Variants in DECR1 observed in about 807,000 individuals in gnomAD.
The protein encoded by DECR1 is 2,4-dienoyl-CoA reductase [(3E)-enoyl-CoA-producing], mitochondrial.
A neutral mutation model predicts 38.8 loss-of-function variants in DECR1; 44 were observed. The observed-to-expected ratio is 1.13, with a 90% CI of 0.89 to 1.46. DECR1 has a LOEUF of 1.46. Among genes scored for constraint, DECR1 ranks in the 40% most tolerant of loss-of-function variants. The pLI is 0.00. For missense variants in DECR1, 428 were observed against 405.5 expected, an observed-to-expected ratio of 1.06 and a Z score of -0.48; for synonymous variants, 148 against 135.2, an observed-to-expected ratio of 1.09 and a Z score of -0.66.
intron 5 of DECR1, among the ~76,000 whole-genome samples, chr8:90,025,221 A>T (rs1054699602): frequency 2.6e-5 from 4 of 152,176 alleles, no homozygotes; most frequent in African/African-American, 9.7e-5. Flanking sequence ...TTTTGGTTCC[A>T]TATGAACTTT....
chr8:90,047,008 GCCTTACAA>G (rs1813925177), intron 8 of DECR1, among the ~76,000 whole-genome samples: 1 of 152,146 alleles, frequency 6.6e-6, no homozygotes, highest in Admixed American at 6.5e-5. Flanking sequence ...CACCAGGCCT[GCCTTACAA>G]GAACTCCTGA....
At chr8:90,046,523 A>G (rs1006616459) in intron 8 of DECR1, among the ~76,000 whole-genome samples, 2 of 152,220 alleles carry the variant, frequency 1.3e-5, no homozygotes, top group Non-Finnish European at 2.9e-5. Context: ...AAAGCCTCCA[A>G]GAAATATGGG....
chr8:90,024,570 A>AT (rs1229728608), intron 5 of DECR1, among the ~76,000 whole-genome samples: 3 of 151,616 alleles, frequency 2.0e-5, no homozygotes, highest in East Asian at 1.9e-4. Context: ...GGGTTGTTTG[A>AT]TTTTTTTCTT....
intron 1 of DECR1, among the ~76,000 whole-genome samples, chr8:90,010,192 G>A (rs1812847585): frequency 6.6e-6 from 1 of 151,776 alleles, no homozygotes; most frequent in Non-Finnish European, 1.5e-5. Context: ...GCAGGCAGAT[G>A]TGCTTAAGCA....
intron 2 of DECR1, among the ~76,000 whole-genome samples, chr8:90,018,229 A>G (rs1813059188): frequency 1.3e-5 from 2 of 152,216 alleles, no homozygotes; most frequent in Non-Finnish European, 2.9e-5. Context: ...ATTTCAAAAT[A>G]TCTGTTATTG....
chr8:90,041,763 A>G (rs2130145883), intron 6 of DECR1, among the ~76,000 whole-genome samples: 1 of 152,228 alleles, frequency 6.6e-6, no homozygotes, highest in South Asian at 2.1e-4. Context: ...GTTATATGGA[A>G]CATCACACAC....
intron 1 of DECR1, among the ~76,000 whole-genome samples, chr8:90,015,383 G>A (rs1229569767): frequency 6.6e-6 from 1 of 152,032 alleles, no homozygotes; most frequent in Non-Finnish European, 1.5e-5. Context: ...TTTGAGGACT[G>A]TATGGTAAAT....
rs1424130965 is a variant in DECR1 at position 90,051,901 on chromosome 8, C to T, written c.*4C>T. On this transcript the variant is annotated 3_prime_UTR_variant, in exon 10 of 10. Transcript: ENST00000220764. ...CAGGAAGACAAAAGGTTCCTAAGACCACTTTGGCCTTCATCTTGGTTACAG... is the reference window on the plus strand; with the variant it reads ...CAGGAAGACAAAAGGTTCCTAAGACTACTTTGGCCTTCATCTTGGTTACAG... 1 of 1,612,956 alleles carries T rather than the reference C, an allele frequency of 6.2e-7. No homozygotes were observed. Among genetic ancestry groups the T allele is most frequent in the Admixed American group, 1.7e-5 (1 of 59,940 alleles).
At chr8:90,015,795 T>G in intron 1 of DECR1, 1 of 326,558 alleles carries the variant, frequency 3.1e-6, no homozygotes, top group East Asian at 7.8e-5. Context: ...ATATGCAAGC[T>G]GGTTATCAGA....
At chr8:90,012,343 G>C (rs186760490) in intron 1 of DECR1, among the ~76,000 whole-genome samples, 95 of 151,858 alleles carry the variant, frequency 6.3e-4, no homozygotes, top group African/African-American at 1.8e-3. Context: ...AGTAGAGATG[G>C]GGTTTCACCA....
At chr8:90,038,440 A>G (rs1015846281) in intron 6 of DECR1, among the ~76,000 whole-genome samples, 1 of 149,216 alleles carries the variant, frequency 6.7e-6, no homozygotes, top group African/African-American at 2.5e-5. Flanking sequence ...GAGAGAGAGC[A>G]GGGCATCGCG....
chr8:90,010,144 C>T (rs1812846456), intron 1 of DECR1, among the ~76,000 whole-genome samples: 1 of 152,204 alleles, frequency 6.6e-6, no homozygotes, highest in African/African-American at 2.4e-5. Flanking sequence ...CTGAGAATAT[C>T]AGTGGCCTCT....
chr8:90,031,904 A>T lies in DECR1; in HGVS notation c.566-4937A>T, dbSNP rs113029413. Among the ~76,000 whole-genome samples, 1,077 of 151,926 alleles carry T rather than the reference A, an allele frequency of 7.1e-3. 14 individuals carry two copies. Among genetic ancestry groups the T allele is most frequent in the African/African-American group, 0.024 (1,013 of 41,448 alleles). ...TGATAGGTAAAGTTAAACAAGGATT[A>T]AAAAAAAATTAAGATACTTTATTTC... On this transcript the variant is annotated intron_variant, in intron 5 of 9. Coordinates refer to ENST00000220764, the MANE Select transcript of DECR1 (RefSeq NM_001359.2).
At chr8:90,015,358 A>G (rs897092828) in intron 1 of DECR1, among the ~76,000 whole-genome samples, 4 of 152,092 alleles carry the variant, frequency 2.6e-5, no homozygotes, top group Non-Finnish European at 4.4e-5. Flanking sequence ...AATTGAATTT[A>G]CCTTATAGAG....
chr8:90,039,434 C>G lies in DECR1; in HGVS notation c.665+2494C>G, dbSNP rs185563513. The stretch of plus-strand genomic sequence containing the variant: ...AGGGGTAAGCCCCTTATAAAACTAT[C>G]AGATCTTGTGAGAACTCACTCACTA... On this transcript the variant is annotated intron_variant, in intron 6 of 9. Coordinates refer to ENST00000220764, the MANE Select transcript of DECR1 (RefSeq NM_001359.2). Among the ~76,000 whole-genome samples, 6 of 152,304 alleles carry G rather than the reference C, an allele frequency of 3.9e-5. No homozygotes were observed. The East Asian group carries it at 1.2e-3, about 29-fold the overall frequency.
intron 1 of DECR1, among the ~76,000 whole-genome samples, chr8:90,011,613 T>C (rs545316377): frequency 4.6e-5 from 7 of 152,212 alleles, no homozygotes; most frequent in Non-Finnish European, 1.0e-4. Context: ...CTTAGGTCTT[T>C]AATTTCTTAA....
In DECR1 at chr8:90,017,310, T is replaced by A; in HGVS notation, c.256T>A (p.Cys86Ser). 1 of 1,614,052 alleles carries A rather than the reference T, an allele frequency of 6.2e-7. No homozygotes were observed. Among genetic ancestry groups the A allele is most frequent in the South Asian group, 1.1e-5 (1 of 91,022 alleles). ...TTLLSSLGAQCVIASRKMDVL... is the reference protein window; with the variant it reads ...TTLLSSLGAQSVIASRKMDVL... ...TCTTCTGTCCAGCCTAGGTGCTCAG[T>A]GCGTGATAGCCAGCCGGTAAGTCCC... The change falls in exon 2 of 10, where the codon TGC (cysteine) becomes AGC (serine). Residue 86 changes from cysteine to serine, a missense_variant. Coordinates refer to ENST00000220764, the MANE Select transcript of DECR1 (RefSeq NM_001359.2).
intron 1 of DECR1, among the ~76,000 whole-genome samples, chr8:90,009,317 A>G (rs1277730149): frequency 1.3e-5 from 2 of 152,112 alleles, no homozygotes; most frequent in East Asian, 1.9e-4. Flanking sequence ...CTTTGCTCCA[A>G]TGTCACCTTC....
intron 1 of DECR1, among the ~76,000 whole-genome samples, chr8:90,009,514 T>A (rs986098671): frequency 4.6e-5 from 7 of 151,804 alleles, no homozygotes; most frequent in African/African-American, 1.7e-4. Context: ...TTTTTTTTTT[T>A]ACTGCCGTAC....
Sources: gnomAD v4.1 joint callset for allele counts (sites outside exome capture counted in the v4.1 genomes callset) on GRCh38, gnomAD v4.1.1 for gene constraint, MANE v1.5 for transcripts, NCBI Gene and HGNC (gene_info 2026-07-23, HGNC 2026-07-21) for gene names.